DPP6: variants seen among roughly 807,000 people sequenced by gnomAD.
DPP6 encodes A-type potassium channel modulatory protein DPP6.
A neutral mutation model predicts 122.6 loss-of-function variants in DPP6; 69 were observed. The ratio of observed to expected loss-of-function variants is 0.56; its 90% CI spans 0.46 to 0.69. DPP6 has a LOEUF of 0.69. Ranked by LOEUF, DPP6 falls within the 30% of genes least tolerant of loss-of-function variation. The pLI is 0.00. For synonymous variants in DPP6, 418 were observed against 433.1 expected (o/e 0.97, Z 0.43); for missense variants, 928 against 1,116.9 (o/e 0.83, Z 2.41).
At chr7:153,799,861 G>T in the DPP6 span, among the ~76,000 whole-genome samples, 1 of 152,172 alleles carries the variant, frequency 6.6e-6, no homozygotes, top group Admixed American at 6.5e-5. Flanking sequence ...GATCAAAAGT[G>T]ACAGTAACAA....
intron 1 of DPP6, among the ~76,000 whole-genome samples, chr7:154,314,663 C>T (rs947148824): frequency 2.0e-5 from 3 of 152,208 alleles, no homozygotes; most frequent in African/African-American, 7.2e-5. Context: ...TAATCTTGCA[C>T]AGGAGTAAAA....
chr7:154,024,487 G>A (rs1003157713), intron 1 of DPP6, among the ~76,000 whole-genome samples: 2 of 151,486 alleles, frequency 1.3e-5, no homozygotes, highest in Non-Finnish European at 2.9e-5. Context: ...CTTTTCAAAT[G>A]TAGGAAAACC....
chr7:153,878,554 C>T, the DPP6 span, among the ~76,000 whole-genome samples: 1 of 152,084 alleles, frequency 6.6e-6, no homozygotes, highest in Non-Finnish European at 1.5e-5. Flanking sequence ...ATATGGAGTT[C>T]AGAAGTCTCC....
intron 8 of DPP6, among the ~76,000 whole-genome samples, chr7:154,728,519 G>T (rs1051355588): frequency 1.3e-5 from 2 of 152,144 alleles, no homozygotes; most frequent in Non-Finnish European, 2.9e-5. Context: ...ACCCTTCATC[G>T]TAACAATAAC....
At chr7:154,129,622 G>C (rs1034473870) in intron 1 of DPP6, among the ~76,000 whole-genome samples, 3 of 152,180 alleles carry the variant, frequency 2.0e-5, no homozygotes, top group African/African-American at 7.2e-5. Flanking sequence ...ATTAGCGGCC[G>C]GGCACAGTGG....
chr7:154,794,630 T>C (rs908346856), intron 11 of DPP6, among the ~76,000 whole-genome samples: 2 of 152,156 alleles, frequency 1.3e-5, no homozygotes, highest in East Asian at 3.9e-4. Context: ...CCCCACGTCC[T>C]GGTGAGGCCA....
At chr7:154,781,650 T>C (rs1350323166) in intron 10 of DPP6, among the ~76,000 whole-genome samples, 1 of 151,758 alleles carries the variant, frequency 6.6e-6, no homozygotes, top group African/African-American at 2.4e-5. Flanking sequence ...TTAGGGTCGT[T>C]TCAGTTTGCT....
chr7:154,690,433 G>A (rs12719582), intron 7 of DPP6, among the ~76,000 whole-genome samples: 8,126 of 152,246 alleles, frequency 0.053, 298 homozygotes, highest in African/African-American at 0.1. Context: ...TGACTTTGTA[G>A]AAAGCAGAAC....
intron 1 of DPP6, among the ~76,000 whole-genome samples, chr7:154,332,577 TAGG>T (rs1377153776): frequency 6.6e-6 from 1 of 152,134 alleles, no homozygotes; most frequent in Non-Finnish European, 1.5e-5. Flanking sequence ...GTCTGTCCAT[TAGG>T]AGGAAAGTGC....
chr7:154,160,416 A>G (rs982170326), intron 1 of DPP6, among the ~76,000 whole-genome samples: 3 of 152,246 alleles, frequency 2.0e-5, no homozygotes, highest in African/African-American at 7.2e-5. Flanking sequence ...TAAAGTCATC[A>G]TGGAAAGTAA....
intron 3 of DPP6, among the ~76,000 whole-genome samples, chr7:154,510,977 G>C (rs1166603801): frequency 2.0e-5 from 3 of 149,094 alleles, no homozygotes; most frequent in South Asian, 4.3e-4. Flanking sequence ...CACACAGAGA[G>C]AGAGAGAGCA....
At chr7:154,754,739 A>C (rs981694289) in intron 8 of DPP6, among the ~76,000 whole-genome samples, 7 of 152,248 alleles carry the variant, frequency 4.6e-5, no homozygotes, top group Admixed American at 2.0e-4. Context: ...ATGCTCATCA[A>C]TGATAGACTG....
At chr7:154,097,952 G>A (rs1805450343) in intron 1 of DPP6, among the ~76,000 whole-genome samples, 1 of 152,174 alleles carries the variant, frequency 6.6e-6, no homozygotes, top group Non-Finnish European at 1.5e-5. Flanking sequence ...TAGTCTTATG[G>A]GTTGTGCTCG....
At chr7:154,556,373 A>C (rs1830042612) in intron 4 of DPP6, among the ~76,000 whole-genome samples, 1 of 152,208 alleles carries the variant, frequency 6.6e-6, no homozygotes. Context: ...GAAGTAGCAA[A>C]GAGAGTGCTG....
the DPP6 span, among the ~76,000 whole-genome samples, chr7:153,871,097 AGGAACCCAC>A: frequency 2.0e-5 from 3 of 152,208 alleles, no homozygotes; most frequent in Admixed American, 2.0e-4. Flanking sequence ...TTCGGGGGTC[AGGAACCCAC>A]GTGAGGAGGC....
intron 1 of DPP6, among the ~76,000 whole-genome samples, chr7:154,401,722 G>A (rs1426137586): frequency 6.6e-6 from 1 of 152,282 alleles, no homozygotes; most frequent in Non-Finnish European, 1.5e-5. Flanking sequence ...AAAAGCAATG[G>A]CAACCAAAGC....
intron 5 of DPP6, among the ~76,000 whole-genome samples, chr7:154,625,332 A>G (rs538366593): frequency 1.8e-4 from 28 of 151,416 alleles, no homozygotes; most frequent in African/African-American, 6.8e-4. Context: ...TTTTTTTTTA[A>G]GATAGAAGGA....
intron 5 of DPP6, among the ~76,000 whole-genome samples, chr7:154,582,394 A>G (rs1189553072): frequency 6.6e-6 from 1 of 152,212 alleles, no homozygotes; most frequent in East Asian, 1.9e-4. Context: ...TATCTGACCC[A>G]TTGGGTTTGT....
intron 1 of DPP6, chr7:154,058,136 C>A (rs79852395): frequency 8.7e-5 from 12 of 138,612 alleles, no homozygotes; most frequent in South Asian, 4.9e-4. Context: ...CTTCCCCCCC[C>A]TGGCTCTTGG....
Sources: allele counts gnomAD v4.1 joint callset (sites outside exome capture counted in the v4.1 genomes callset), GRCh38; gene constraint gnomAD v4.1.1; transcripts MANE v1.5; gene names NCBI Gene and HGNC (gene_info 2026-07-23, HGNC 2026-07-21).